ATAD2: variants seen among roughly 807,000 people sequenced by gnomAD.
ATAD2 encodes the protein ATPase family AAA domain-containing protein 2.
A neutral mutation model predicts 168.9 loss-of-function variants in ATAD2; 62 were observed. That is an observed-to-expected ratio of 0.37 (90% CI 0.30 to 0.45). The LOEUF (loss-of-function observed/expected upper bound fraction) is 0.45. Among genes scored for constraint, ATAD2 ranks in the 20% least tolerant of loss-of-function variants. The pLI is 1.00. For synonymous variants in ATAD2, 613 were observed against 571.6 expected, an observed-to-expected ratio of 1.07 and a Z score of -1.03; for missense variants, 1,419 against 1,667.8, an observed-to-expected ratio of 0.85 and a Z score of 2.60.
rs1475293162 is a variant in ATAD2, at chr8:123,344,871, C to T, written c.2718+13G>A. On this transcript the variant is annotated intron_variant, in intron 19 of 27. Transcript: ENST00000287394. ...TTTTTGAAAGTATAATGATACCGCC[C>T]CACATAAATTACCTCTTCTGGCAAA... 6.2e-7 allele frequency: 1 copy of T among 1,612,324 alleles called. No individual in the cohort carries two copies. The highest frequency in any genetic ancestry group is 1.1e-5 in the South Asian group (1 of 91,008).
In ATAD2 at chr8:123,339,463, A is replaced by T; in HGVS notation, c.2719-17T>A. On this transcript the variant is annotated splice_polypyrimidine_tract_variant and intron_variant, in intron 19 of 27. Coordinates refer to ENST00000287394, the MANE Select transcript of ATAD2 (RefSeq NM_014109.4). ...TTCTTGCACCTTAAAAAAGAAAATAAATGCAATATATATCATATATACAGA... is the reference window on the plus strand; with the variant it reads ...TTCTTGCACCTTAAAAAAGAAAATATATGCAATATATATCATATATACAGA... The T allele has an allele frequency of 6.4e-7, 1 of 1,553,000 alleles. No homozygotes were observed. Among genetic ancestry groups the T allele is most frequent in the Non-Finnish European group, 8.8e-7 (1 of 1,142,396 alleles).
intron 8 of ATAD2, 62 bp from the exon 9 acceptor site, chr8:123,361,708 G>C: frequency 7.4e-7 from 1 of 1,357,778 alleles, no homozygotes; most frequent in South Asian, 1.2e-5. Flanking sequence ...AAAGGCATAA[G>C]AAAAGCATCA....
intron 26 of ATAD2, among the ~76,000 whole-genome samples, chr8:123,323,774 A>G (rs1032111541): frequency 1.3e-5 from 2 of 152,176 alleles, no homozygotes; most frequent in African/African-American, 4.8e-5. Context: ...TCCTTTATAC[A>G]AATTATTCTA....
intron 2 of ATAD2, among the ~76,000 whole-genome samples, chr8:123,376,725 C>T (rs926801760): frequency 1.3e-5 from 2 of 151,826 alleles, no homozygotes; most frequent in Non-Finnish European, 2.9e-5. Flanking sequence ...GAGGCTGAGG[C>T]AGGGGGATTG....
intron 1 of ATAD2, among the ~76,000 whole-genome samples, chr8:123,382,737 TAC>T (rs1464027949): frequency 1.3e-5 from 2 of 152,206 alleles, no homozygotes; most frequent in South Asian, 2.1e-4. Flanking sequence ...GGCACAATTT[TAC>T]ACAGTTAGGA....
intron 1 of ATAD2, among the ~76,000 whole-genome samples, chr8:123,387,039 T>A (rs999210589): frequency 2.0e-5 from 3 of 152,090 alleles, no homozygotes; most frequent in Admixed American, 6.6e-5. Flanking sequence ...ATGCCCATTA[T>A]TACTGGAAAA....
upstream of ATAD2, among the ~76,000 whole-genome samples, chr8:123,400,142 C>T (rs533946633): frequency 9.9e-5 from 15 of 152,050 alleles, no homozygotes; most frequent in South Asian, 8.3e-4. This position sits in a 1 kb window ranked among gnomAD's most constrained non-coding sequence, Gnocchi z 4.5. Context: ...CCAGCCTTGG[C>T]GACAGAGTGG....
intron 20 of ATAD2, among the ~76,000 whole-genome samples, chr8:123,338,525 T>A (rs1348039155): frequency 2.0e-5 from 3 of 152,150 alleles, no homozygotes; most frequent in Non-Finnish European, 4.4e-5. Flanking sequence ...TAAATAGATA[T>A]CCAATGAGTA....
chr8:123,358,892 CG>C (rs1828727026), intron 11 of ATAD2, among the ~76,000 whole-genome samples: 1 of 151,564 alleles, frequency 6.6e-6, no homozygotes, highest in African/African-American at 2.4e-5. Flanking sequence ...TTAGTAGAGA[CG>C]GGGTTTCACC....
At position 123,333,962 on chromosome 8, in the gene ATAD2, T is replaced by G; in HGVS notation, c.3394A>C (p.Thr1132Pro). 1 of 1,614,062 alleles carries G rather than the reference T, an allele frequency of 6.2e-7. No individual in the cohort carries two copies. The highest frequency in any genetic ancestry group is 8.5e-7 in the Non-Finnish European group (1 of 1,179,996). ...TCTGATCTTTTATCACCAACAAGAG[T>G]GGAATTTTGCTTTGGCATCACATGG... ...YYHVMPKQNS[T>P]LVGDKRSDPE... The change falls in exon 24 of 28, where the codon ACT becomes CCT. Residue 1132 changes from threonine to proline, a missense_variant. Thr to Pro is a conservative substitution (Grantham distance 38). Around this residue, in one of 5 missense-constraint regions of ATAD2, gnomAD observed 545 missense variants for 724.9 expected, o/e 0.75. Coordinates refer to ENST00000287394, the MANE Select transcript of ATAD2 (RefSeq NM_014109.4).
Position 123,320,137 on chromosome 8 carries a change from T to C in ATAD2, c.*997A>G, listed in dbSNP as rs1827428549. 6.6e-6 allele frequency: 1 copy of C among 152,186 alleles called. No homozygotes were observed. The highest frequency in any genetic ancestry group is 2.4e-5 in the African/African-American group (1 of 41,454). 9.4% of individuals were successfully genotyped at this position (152,186 alleles called of 1,614,324 possible). On this transcript the variant is annotated 3_prime_UTR_variant, in exon 28 of 28. Transcript: ENST00000287394. ...ACAAAAATACAGCTCAACTTTGAAC[T>C]GCATTAAAATCCAGAATCTCTCATT...
At chr8:123,393,048 T>G (rs562447650) in intron 1 of ATAD2, among the ~76,000 whole-genome samples, 36 of 152,046 alleles carry the variant, frequency 2.4e-4, no homozygotes, top group South Asian at 6.2e-4. Flanking sequence ...GCCAGGCGTG[T>G]TGGCGGGTGC....
chr8:123,369,398 C>T (rs184717694), intron 7 of ATAD2: 772 of 212,610 alleles, frequency 3.6e-3, no homozygotes, highest in Middle Eastern at 5.7e-3. Flanking sequence ...CAGATACCAA[C>T]CAACCAAAAC....
intron 3 of ATAD2, among the ~76,000 whole-genome samples, chr8:123,372,121 C>T (rs2129763912): frequency 6.6e-6 from 1 of 152,122 alleles, no homozygotes; most frequent in African/African-American, 2.4e-5. Context: ...CAGAAACAAC[C>T]CAAGTCCATC....
chr8:123,337,865 T>A, intron 20 of ATAD2, 44 bp from the exon 21 acceptor site: 2 of 1,512,068 alleles, frequency 1.3e-6, no homozygotes, highest in Non-Finnish European at 1.8e-6. Flanking sequence ...CTCCATAACA[T>A]TGAGGTTGAC....
Position 123,328,575 on chromosome 8 carries a change from C to G in ATAD2, c.3483G>C (p.Gln1161His), listed in dbSNP as rs771461342. The G allele has an allele frequency of 6.6e-7, 1 of 1,517,994 alleles. No individual in the cohort carries two copies. The highest frequency in any genetic ancestry group is 1.4e-5 in the African/African-American group (1 of 71,294). The allele number at this position is 1,517,994 out of a possible 1,614,324, so 94.0% of individuals were successfully genotyped here. Residue 1161 changes from glutamine to histidine, a missense_variant, in exon 25 of 28, where the codon CAG (glutamine) becomes CAC (histidine). Physicochemically the swap from Gln to His is conservative, Grantham distance 24 (BLOSUM62 0). Coordinates refer to ENST00000287394, the MANE Select transcript of ATAD2 (RefSeq NM_014109.4). Reference sequence around the variant, plus strand: ...ACTTTTTGCGAATTTTCCTCTTCAACTGAGCTTCAAGAAATTTAAAGAAAA... The same window carrying G: ...ACTTTTTGCGAATTTTCCTCTTCAAGTGAGCTTCAAGAAATTTAAAGAAAA... ...STPVACSTPA[Q>H]LKRKIRKKSN...
At chr8:123,407,191 G>C (rs1813079286) in intron 1 of ATAD2, among the ~76,000 whole-genome samples, 1 of 152,220 alleles carries the variant, frequency 6.6e-6, no homozygotes. Flanking sequence ...CAAATCTCCA[G>C]AAAGAATCAA....
chr8:123,368,263 C>T (rs2129723253), intron 8 of ATAD2, among the ~76,000 whole-genome samples: 1 of 152,090 alleles, frequency 6.6e-6, no homozygotes, highest in African/African-American at 2.4e-5. Flanking sequence ...ACTAAAAATA[C>T]AAAAATCAGC....
intron 1 of ATAD2, among the ~76,000 whole-genome samples, chr8:123,387,210 CAT>C (rs1829669747): frequency 6.6e-6 from 1 of 151,916 alleles, no homozygotes; most frequent in African/African-American, 2.4e-5. Flanking sequence ...AATATTTTTT[CAT>C]GTCATTAAAT....
Sources: gnomAD v4.1 joint callset for allele counts (sites outside exome capture counted in the v4.1 genomes callset) on GRCh38, gnomAD v4.1.1 for gene constraint, gnomAD v4.1.1 regional missense constraint, Gnocchi (gnomAD v3.1) non-coding constraint, MANE v1.5 for transcripts, NCBI Gene and HGNC (gene_info 2026-07-23, HGNC 2026-07-21) for gene names.